The following ULK1 variants were observed in gnomAD, a reference collection of about 807,000 sequenced individuals.
ULK1 encodes serine/threonine-protein kinase ULK1.
A neutral mutation model predicts 117.5 loss-of-function variants in ULK1; 48 were observed. That is an observed-to-expected ratio of 0.41 (90% CI 0.32 to 0.52). ULK1 has a LOEUF of 0.52. ULK1 is among the 20% of genes least tolerant of loss of function. ULK1 has a pLI of 0.29. For synonymous variants in ULK1, 790 were observed against 637.8 expected (o/e 1.24, Z -3.60); for missense variants, 1,387 against 1,473.4 (o/e 0.94, Z 0.96).
In ULK1 at chr12:131,896,074, C is replaced by A. The variant is rs538026783; in HGVS notation, c.246+250C>A. Among the ~76,000 whole-genome samples the A allele has an allele frequency of 2.0e-5, 3 of 152,340 alleles. No homozygotes were observed. The South Asian group carries it at 6.2e-4, about 32-fold the overall frequency. Reference sequence around the variant, plus strand: ...GCAGGGCTGAGTTCTCCTGAACAGGCATCCCCTCCCCGCCGGGCGTCAGTC... The same window carrying A: ...GCAGGGCTGAGTTCTCCTGAACAGGAATCCCCTCCCCGCCGGGCGTCAGTC... On this transcript the variant is annotated intron_variant, in intron 3 of 27. Coordinates refer to ENST00000321867, the MANE Select transcript of ULK1 (RefSeq NM_003565.4).
At position 131,902,832 on chromosome 12, in the gene ULK1, C is replaced by T. The variant is rs11613929; in HGVS notation, c.247-4060C>T. Among the ~76,000 whole-genome samples the T allele has an allele frequency of 7.2e-4, 109 of 152,278 alleles. No homozygotes were observed. Among genetic ancestry groups the T allele is most frequent in the Admixed American group, 2.5e-3 (39 of 15,298 alleles). ...CTCTGCCTGGGGTGGCCGGTTTCCT[C>T]CCCTGGAGCCCAGGGAGGCAGTTGT... On this transcript the variant is annotated intron_variant, in intron 3 of 27. Transcript: ENST00000321867. The surrounding 1 kb of genome is among the most constrained non-coding windows in gnomAD (Gnocchi z 6.3).
intron 3 of ULK1, among the ~76,000 whole-genome samples, chr12:131,905,234 C>T (rs952558781): frequency 7.2e-5 from 11 of 152,310 alleles, no homozygotes; most frequent in South Asian, 2.1e-4. Context: ...TCAGCATCCT[C>T]GTCCAGCCCA....
chr12:131,915,010 C>T (rs555229403), intron 16 of ULK1, 73 bp from the exon 17 acceptor site: 2 of 1,500,672 alleles, frequency 1.3e-6, no homozygotes, highest in Non-Finnish European at 1.8e-6. Flanking sequence ...TGCCTTGTCC[C>T]CAGGTCCTCT....
At position 131,922,079 on chromosome 12, in the gene ULK1, G is replaced by T; in HGVS notation, c.*718G>T. On this transcript the variant is annotated 3_prime_UTR_variant, in exon 28 of 28. Transcript: ENST00000321867. ...TTGTTCAAGCGTTCCTCTGGGGACC[G>T]GCAGCAGAGGCACCGTGTTCTCTCA... 2.2e-6 allele frequency: 1 copy of T among 451,562 alleles called. No homozygotes were observed. The highest frequency in any genetic ancestry group is 4.5e-6 in the Non-Finnish European group (1 of 223,282). 28.0% of individuals were successfully genotyped at this position (451,562 alleles called of 1,614,324 possible).
At chr12:131,897,374 C>T (rs555707279) in intron 3 of ULK1, 1 of 152,300 alleles carries the variant, frequency 6.6e-6, no homozygotes, top group Admixed American at 6.5e-5. Context: ...GGCTAGAGTC[C>T]TGCCCCCGAT....
Position 131,916,954 on chromosome 12 carries a change from T to C in ULK1, c.2074T>C (p.Ser692Pro). The C allele has an allele frequency of 6.2e-7, 1 of 1,609,782 alleles. No individual in the cohort carries two copies. Among genetic ancestry groups the C allele is most frequent in the Non-Finnish European group, 8.5e-7 (1 of 1,178,562 alleles). ...GEDPKGPFGR[S>P]FSTSRLTDLL... The stretch of plus-strand genomic sequence containing the variant: ...GCACAGCCCTGCACACTCCCACAGG[T>C]CTTTCAGCACCAGCCGCCTCACTGA... The change falls in exon 21 of 28, where the codon TCT becomes CCT. Residue 692 changes from serine to proline, a missense_variant and splice_region_variant. This residue lies in a region of ULK1 where 900 missense variants were observed against 858.9 expected (regional missense o/e 1.05). Coordinates refer to ENST00000321867, the MANE Select transcript of ULK1 (RefSeq NM_003565.4).
intron 18 of ULK1, 25 bp downstream of exon 18, chr12:131,915,446 G>T (rs756374375): frequency 6.2e-7 from 1 of 1,609,646 alleles, no homozygotes; most frequent in Admixed American, 1.7e-5. Flanking sequence ...GAGGGGGGAG[G>T]GGGTGCTAGG....
intron 2 of ULK1, 38 bp from the exon 3 acceptor site, chr12:131,895,745 C>T: frequency 6.2e-7 from 1 of 1,613,746 alleles, no homozygotes; most frequent in South Asian, 1.1e-5. Flanking sequence ...GCAAGCCCCC[C>T]TCCCCACACT....
chr12:131,902,791 C>A lies in ULK1; in HGVS notation c.247-4101C>A, dbSNP rs1303553403. Among the ~76,000 whole-genome samples, 2 of 152,106 alleles carry A rather than the reference C, an allele frequency of 1.3e-5. No homozygotes were observed. Among genetic ancestry groups the A allele is most frequent in the South Asian group, 4.1e-4 (2 of 4,830 alleles). Reference sequence around the variant, plus strand: ...CACGGGACGGACCCCCGGACCCTGTCTTGGGAGGCGAGCTGCTCTGCCTGG... The same window carrying A: ...CACGGGACGGACCCCCGGACCCTGTATTGGGAGGCGAGCTGCTCTGCCTGG... On this transcript the variant is annotated intron_variant, in intron 3 of 27. Transcript: ENST00000321867. This position sits in a 1 kb window ranked among gnomAD's most constrained non-coding sequence, Gnocchi z 6.3.
chr12:131,919,884 G>C, intron 25 of ULK1, 95 bp from the exon 26 acceptor site: 2 of 1,495,350 alleles, frequency 1.3e-6, no homozygotes, highest in Non-Finnish European at 9.0e-7. Flanking sequence ...AGGGAGGGAG[G>C]GACGTGCTCG....
Position 131,922,059 on chromosome 12 carries a change from C to G in ULK1, c.*698C>G, listed in dbSNP as rs1321128085. The stretch of plus-strand genomic sequence containing the variant: ...CTAGAGGCAGAGGCAGTTCTTTGTT[C>G]AAGCGTTCCTCTGGGGACCGGCAGC... On this transcript the variant is annotated 3_prime_UTR_variant, in exon 28 of 28. Coordinates refer to ENST00000321867, the MANE Select transcript of ULK1 (RefSeq NM_003565.4). The G allele has an allele frequency of 2.2e-6, 1 of 453,584 alleles. No homozygotes were observed. Among genetic ancestry groups the G allele is most frequent in the South Asian group, 1.6e-5 (1 of 64,438 alleles). 28.1% of individuals were successfully genotyped at this position (453,584 alleles called of 1,614,324 possible).
chr12:131,906,734 C>T (rs1339064114), intron 3 of ULK1, 158 bp from the exon 4 acceptor site: 1 of 831,684 alleles, frequency 1.2e-6, no homozygotes, highest in Non-Finnish European at 2.0e-6. Context: ...ACCTACAAAG[C>T]ACGTGGCCCA....
In ULK1 at chr12:131,917,113, TGGGATGGGGG is replaced by T. The variant is rs779487469; in HGVS notation, c.2182+52_2182+61del. ...GCTGTGGGATGGGGGTCGGAGGCTG[TGGGATGGGGG>T]TCGGAGGCTGTGGGATGGGGGTCGG... On this transcript the variant is annotated intron_variant, in intron 21 of 27. Transcript: ENST00000321867. The T allele has an allele frequency of 1.8e-4, 150 of 819,256 alleles. 17 individuals carry two copies. The East Asian group carries it at 2.2e-3, about 12-fold the overall frequency. 50.7% of individuals were successfully genotyped at this position (819,256 alleles called of 1,614,324 possible). A position where few individuals can be genotyped will look rare whatever the true frequency, so the allele number is the denominator to read the frequency against.
At chr12:131,909,884 C>T in intron 9 of ULK1, 35 bp from the exon 10 acceptor site, 1 of 1,610,750 alleles carries the variant, frequency 6.2e-7, no homozygotes, top group South Asian at 1.1e-5. Flanking sequence ...TCCGGCCCCG[C>T]AGGCCCTGCT....
chr12:131,908,592 C>T (rs973881173), intron 5 of ULK1, 52 bp from the exon 6 acceptor site: 1 of 1,434,852 alleles, frequency 7.0e-7, no homozygotes. Context: ...GCGGGACTCA[C>T]CCCTGGGGGA....
Position 131,915,444 on chromosome 12 carries a change from A to AG in ULK1, c.1609+28dup, listed in dbSNP as rs1008428950. The AG allele has an allele frequency of 1.9e-6, 3 of 1,608,066 alleles. No homozygotes were observed. In the African/African-American group the frequency reaches 4.0e-5, roughly 22 times the overall value. On this transcript the variant is annotated intron_variant, in intron 18 of 27. Coordinates refer to ENST00000321867, the MANE Select transcript of ULK1 (RefSeq NM_003565.4). ...CAGGTGGGTGCAGTCCGGAGGGGGGAGGGGGTGCTAGGCTGACCTCCCTCG... is the reference window on the plus strand; with the variant it reads ...CAGGTGGGTGCAGTCCGGAGGGGGGAGGGGGGTGCTAGGCTGACCTCCCTCG...
intron 25 of ULK1, 125 bp downstream of exon 25, chr12:131,919,715 C>A: frequency 8.7e-7 from 1 of 1,145,560 alleles, no homozygotes; most frequent in African/African-American, 1.6e-5. Context: ...GCAGAGGCCC[C>A]GGGGCCTGGC....
Position 131,921,819 on chromosome 12 carries a change from C to T in ULK1, c.*458C>T, listed in dbSNP as rs907646145. 4.2e-6 allele frequency: 2 copies of T among 479,514 alleles called. No individual in the cohort carries two copies. Among genetic ancestry groups the T allele is most frequent in the Non-Finnish European group, 8.2e-6 (2 of 242,860 alleles). 29.7% of individuals were successfully genotyped at this position (479,514 alleles called of 1,614,324 possible). A position where few individuals can be genotyped will look rare whatever the true frequency, so the allele number is the denominator to read the frequency against. ...CTCTCCCTCCGAGATACCCACCCAG[C>T]TTTGTCAATCACCCAAGCACTTTAT... is the stretch of plus-strand genomic sequence containing the variant. On this transcript the variant is annotated 3_prime_UTR_variant, in exon 28 of 28. Transcript: ENST00000321867.
chr12:131,916,386 C>A lies in ULK1; in HGVS notation c.1879-12C>A. 1.9e-6 allele frequency: 3 copies of A among 1,555,354 alleles called. No homozygotes were observed. Among genetic ancestry groups the A allele is most frequent in the Non-Finnish European group, 2.6e-6 (3 of 1,150,316 alleles). On this transcript the variant is annotated splice_polypyrimidine_tract_variant and intron_variant, in intron 19 of 27. Coordinates refer to ENST00000321867, the MANE Select transcript of ULK1 (RefSeq NM_003565.4). ...CTGCGGGGCAGTCTTCACCCCATCT[C>A]TGTCCTCCTAGGCTGTGCCCTCCTT...
Sources: gnomAD v4.1 joint callset for allele counts (sites outside exome capture counted in the v4.1 genomes callset) on GRCh38, gnomAD v4.1.1 for gene constraint, gnomAD v4.1.1 regional missense constraint, Gnocchi (gnomAD v3.1) non-coding constraint, MANE v1.5 for transcripts, NCBI Gene and HGNC (gene_info 2026-07-23, HGNC 2026-07-21) for gene names.